ANKRD12: variants seen among roughly 807,000 people sequenced by gnomAD.
ANKRD12 encodes ankyrin repeat domain-containing protein 12.
Under a neutral mutation model 183.4 loss-of-function variants are expected in ANKRD12, and 85 were observed. That is an observed-to-expected ratio of 0.46 (90% CI 0.39 to 0.56). The LOEUF is 0.56. Ranked by LOEUF, ANKRD12 falls within the 20% of genes least tolerant of loss-of-function variation. The probability of loss-of-function intolerance (pLI) is 0.00; values close to 1 mark genes in which losing one functional copy is unlikely to be tolerated. For missense variants in ANKRD12, 2,405 were observed against 2,357.1 expected, an observed-to-expected ratio of 1.02 and a Z score of -0.42; for synonymous variants, 914 against 800.2, an observed-to-expected ratio of 1.14 and a Z score of -2.40.
In ANKRD12 at chr18:9,255,346, A is replaced by G. The variant is rs147287327; in HGVS notation, c.2079A>G (p.Arg693=). ...TGCAGAGGAGTGTGGAATTTGATAG[A>G]GAATTTTGGAAAGAGAATTTTTTTA... The part of the protein sequence containing the change: ...KELQRSVEFD[R]EFWKENFFKS... The change falls in exon 9 of 13, where the codon AGA becomes AGG. Residue 693 remains arginine, a synonymous_variant. Coordinates refer to ENST00000262126, the MANE Select transcript of ANKRD12 (RefSeq NM_015208.5). 1.6e-5 allele frequency: 26 copies of G among 1,607,624 alleles called. No individual in the cohort carries two copies. Among genetic ancestry groups the G allele is most frequent in the African/African-American group, 5.4e-5 (4 of 74,546 alleles).
At chr18:9,265,059 G>A (rs1227217439) in intron 10 of ANKRD12, among the ~76,000 whole-genome samples, 1 of 151,870 alleles carries the variant, frequency 6.6e-6, no homozygotes, top group Admixed American at 6.5e-5. Context: ...AAACCGCAAG[G>A]CGGGAGCGAG....
At chr18:9,145,558 C>T (rs781751600) in intron 1 of ANKRD12, among the ~76,000 whole-genome samples, 1 of 152,172 alleles carries the variant, frequency 6.6e-6, no homozygotes, top group Non-Finnish European at 1.5e-5. Context: ...AGACACGAAT[C>T]ATTCTGTCTT....
intron 10 of ANKRD12, among the ~76,000 whole-genome samples, chr18:9,269,922 A>G (rs1167248848): frequency 6.6e-6 from 1 of 152,256 alleles, no homozygotes; most frequent in Non-Finnish European, 1.5e-5. Flanking sequence ...ACAGATTTAC[A>G]AGAAAAAACC....
At chr18:9,237,997 C>T (rs1477084576) in intron 8 of ANKRD12, among the ~76,000 whole-genome samples, 1 of 152,178 alleles carries the variant, frequency 6.6e-6, no homozygotes, top group African/African-American at 2.4e-5. Context: ...TCCATGGAAC[C>T]TAGTTTTACT....
chr18:9,279,712 G>C, intron 12 of ANKRD12, 68 bp downstream of exon 12: 1 of 873,026 alleles, frequency 1.1e-6, no homozygotes, highest in South Asian at 1.6e-5. Context: ...AAACTCTACA[G>C]CTGTATTAGG....
chr18:9,204,431 C>T (rs1464534135), intron 3 of ANKRD12, 45 bp from the exon 4 acceptor site: 7 of 1,370,046 alleles, frequency 5.1e-6, no homozygotes, highest in Non-Finnish European at 7.2e-6. Flanking sequence ...CTGCATTTCC[C>T]TCCGTGTGCT....
chr18:9,256,684 T>G lies in ANKRD12; in HGVS notation c.3417T>G (p.Thr1139=). 1 of 1,606,018 alleles carries G rather than the reference T, an allele frequency of 6.2e-7. No homozygotes were observed. Among genetic ancestry groups the G allele is most frequent in the South Asian group, 1.1e-5 (1 of 88,846 alleles). The change falls in exon 9 of 13, where the codon ACT becomes ACG. Residue 1139 remains threonine, a synonymous_variant. Transcript: ENST00000262126. ...CTGAATCCAAAAATAAAGAACTTAC[T>G]AGGTCAAAGAGTTCAGAAGTGACTG... ...TPTESKNKEL[T]RSKSSEVTDA...
intron 8 of ANKRD12, among the ~76,000 whole-genome samples, chr18:9,248,382 CTTAT>C (rs1377781743): frequency 6.6e-6 from 1 of 152,102 alleles, no homozygotes; most frequent in African/African-American, 2.4e-5. Flanking sequence ...ATTTTAAAAC[CTTAT>C]TTTTCATTGC....
chr18:9,284,883 T>G lies in ANKRD12; in HGVS notation c.*3757T>G, dbSNP rs1395439094. 6.6e-6 allele frequency: 1 copy of G among 152,228 alleles called. No individual in the cohort carries two copies. The highest frequency in any genetic ancestry group is 2.4e-5 in the African/African-American group (1 of 41,456). The allele number at this position is 152,228 out of a possible 1,614,324, so 9.4% of individuals were successfully genotyped here. On this transcript the variant is annotated 3_prime_UTR_variant, in exon 13 of 13. Coordinates refer to ENST00000262126, the MANE Select transcript of ANKRD12 (RefSeq NM_015208.5). ...TATATAATAACTGCAAATAAAAGTT[T>G]TTTTGTACATGGACAGCGTCCTCAT...
Position 9,258,084 on chromosome 18 carries a change from T to G in ANKRD12, c.4817T>G (p.Phe1606Cys). Residue 1606 changes from phenylalanine (F) to cysteine (C), a missense_variant, in exon 9 of 13, where the codon TTT (phenylalanine) becomes TGT (cysteine). Physicochemically the swap from Phe to Cys is radical, Grantham distance 205. Around this residue, in one of 7 missense-constraint regions of ANKRD12, gnomAD observed 1,983 missense variants for 1,725.9 expected, o/e 1.15. Transcript: ENST00000262126. ...ACCCAGCTAAATACACATTATGCAT[T>G]TAGCAAACTAACTTACAAGTCTTCC... is the stretch of plus-strand genomic sequence containing the variant. ...ASTQLNTHYA[F>C]SKLTYKSSSG... is the part of the protein sequence containing the mutation. 1 of 1,613,300 alleles carries G rather than the reference T, an allele frequency of 6.2e-7. No individual in the cohort carries two copies.
rs138067313 is a variant in ANKRD12, at chr18:9,139,922, C to A, written c.-52+2957C>A. On this transcript the variant is annotated intron_variant, in intron 1 of 12. Coordinates refer to ENST00000262126, the MANE Select transcript of ANKRD12 (RefSeq NM_015208.5). ...AGTCTGTGGTTTGGCCGAGAGGTTT[C>A]TTTCTGTGAAGATGCTAATTTGCCT... 2.3e-3 allele frequency among the ~76,000 whole-genome samples: 354 copies of A among 152,268 alleles called. 2 individuals are homozygous for A. Among genetic ancestry groups the A allele is most frequent in the African/African-American group, 8.1e-3 (337 of 41,558 alleles).
intron 1 of ANKRD12, among the ~76,000 whole-genome samples, chr18:9,169,503 A>C (rs1161277194): frequency 6.6e-6 from 1 of 151,966 alleles, no homozygotes; most frequent in Non-Finnish European, 1.5e-5. Flanking sequence ...TGTTGGTTTC[A>C]AGTCTGTTTT....
chr18:9,230,514 T>C (rs966474549), intron 8 of ANKRD12, among the ~76,000 whole-genome samples: 2 of 152,138 alleles, frequency 1.3e-5, no homozygotes, highest in Non-Finnish European at 2.9e-5. Flanking sequence ...TAGTTTGTTT[T>C]TGCTTTTTTT....
intron 8 of ANKRD12, among the ~76,000 whole-genome samples, chr18:9,251,309 G>T (rs772534795): frequency 3.9e-5 from 6 of 152,178 alleles, no homozygotes; most frequent in Non-Finnish European, 7.3e-5. Context: ...TACAAGAAAA[G>T]ATGGACATTG....
chr18:9,149,334 TTAAA>T (rs1200757917), intron 1 of ANKRD12, among the ~76,000 whole-genome samples: 2 of 152,216 alleles, frequency 1.3e-5, no homozygotes, highest in Admixed American at 6.5e-5. Context: ...ATACCCACAC[TTAAA>T]TAAGTTAACA....
intron 3 of ANKRD12, among the ~76,000 whole-genome samples, chr18:9,201,274 A>G (rs2035148959): frequency 6.6e-6 from 1 of 152,206 alleles, no homozygotes; most frequent in Non-Finnish European, 1.5e-5. Context: ...AGTGAACTTT[A>G]TTCCTGCATT....
intron 5 of ANKRD12, among the ~76,000 whole-genome samples, chr18:9,209,892 T>C (rs1387866333): frequency 6.6e-6 from 1 of 152,196 alleles, no homozygotes; most frequent in Non-Finnish European, 1.5e-5. Context: ...TAAAAGTCTT[T>C]CATCTCCAAT....
chr18:9,194,331 A>T (rs1041275630), intron 2 of ANKRD12, among the ~76,000 whole-genome samples: 7 of 9,200 alleles, frequency 7.6e-4, no homozygotes, highest in Admixed American at 1.4e-3. Flanking sequence ...AGATAATTTT[A>T]TTTATTTATT....
At position 9,142,882 on chromosome 18, in the gene ANKRD12, C is replaced by CA. The variant is rs57004852; in HGVS notation, c.-52+5928dup. Among the ~76,000 whole-genome samples, 20 of 149,442 alleles carry CA rather than the reference C, an allele frequency of 1.3e-4. 1 individual carries two copies. Among genetic ancestry groups the CA allele is most frequent in the African/African-American group, 4.2e-4 (17 of 40,542 alleles). ...CTGGGAGACAGAGTGATACTGCCTCCAAAAAAAAAAATTAGTTGTAATGGT... is the reference window on the plus strand; with the variant it reads ...CTGGGAGACAGAGTGATACTGCCTCCAAAAAAAAAAAATTAGTTGTAATGGT... On this transcript the variant is annotated intron_variant, in intron 1 of 12. Coordinates refer to ENST00000262126, the MANE Select transcript of ANKRD12 (RefSeq NM_015208.5).
Sources: gnomAD v4.1 joint callset for allele counts (sites outside exome capture counted in the v4.1 genomes callset) on GRCh38, gnomAD v4.1.1 for gene constraint, gnomAD v4.1.1 regional missense constraint, MANE v1.5 for transcripts, NCBI Gene and HGNC (gene_info 2026-07-23, HGNC 2026-07-21) for gene names.